OSBPL2: variants seen among roughly 807,000 people sequenced by gnomAD.
OSBPL2 encodes the protein oxysterol-binding protein-related protein 2.
A neutral mutation model predicts 58.4 loss-of-function variants in OSBPL2; 18 were observed. That is an observed-to-expected ratio of 0.31 (90% confidence interval 0.21 to 0.46). The LOEUF is 0.46. OSBPL2 is among the 20% of genes least tolerant of loss of function. The pLI is 1.00. For missense variants in OSBPL2, 461 were observed against 616.5 expected, an observed-to-expected ratio of 0.75 and a Z score of 2.67; for synonymous variants, 221 against 234.1, an observed-to-expected ratio of 0.94 and a Z score of 0.51.
At chr20:62,255,416 A>G (rs1271183582) in intron 1 of OSBPL2, among the ~76,000 whole-genome samples, 2 of 152,162 alleles carry the variant, frequency 1.3e-5, no homozygotes, top group African/African-American at 4.8e-5. Flanking sequence ...CCCTGCGCCC[A>G]TGACTTTTCC....
chr20:62,290,021 C>T (rs1983388584), intron 12 of OSBPL2, among the ~76,000 whole-genome samples: 1 of 152,224 alleles, frequency 6.6e-6, no homozygotes, highest in African/African-American at 2.4e-5. Context: ...ACGTGTTCCA[C>T]TGTGAGGATC....
At chr20:62,241,277 C>G (rs930161393) in intron 1 of OSBPL2, among the ~76,000 whole-genome samples, 1 of 152,126 alleles carries the variant, frequency 6.6e-6, no homozygotes, top group African/African-American at 2.4e-5. Flanking sequence ...ACTGCAAGCT[C>G]TGCCTCCCGG....
intron 4 of OSBPL2, among the ~76,000 whole-genome samples, chr20:62,265,327 TATAA>T (rs1981594594): frequency 6.6e-6 from 1 of 152,250 alleles, no homozygotes; most frequent in South Asian, 2.1e-4. Flanking sequence ...ATTTACGGAC[TATAA>T]ATAATTGCTC....
In OSBPL2 at chr20:62,294,814, A is replaced by G. The variant is rs1983758538; in HGVS notation, c.*927A>G. ...TTAAAATAGAAGTGACAAGAATCAC[A>G]TCCGGTTGTGTCCTGTGGGAGGGTC... On this transcript the variant is annotated 3_prime_UTR_variant, in exon 14 of 14. Transcript: ENST00000313733. The G allele has an allele frequency of 6.6e-6, 1 of 152,238 alleles. No homozygotes were observed. The highest frequency in any genetic ancestry group is 6.5e-5 in the Admixed American group (1 of 15,280). 9.4% of individuals were successfully genotyped at this position (152,238 alleles called of 1,614,324 possible). A position where few individuals can be genotyped will look rare whatever the true frequency, so the allele number is the denominator to read the frequency against.
intron 1 of OSBPL2, among the ~76,000 whole-genome samples, chr20:62,240,228 G>A (rs1321307962): frequency 6.6e-6 from 1 of 152,078 alleles, no homozygotes; most frequent in East Asian, 1.9e-4. Context: ...CCTTGTTGAG[G>A]ACAGGAACTT....
At chr20:62,272,846 C>T (rs763333497) in intron 5 of OSBPL2, among the ~76,000 whole-genome samples, 14 of 152,164 alleles carry the variant, frequency 9.2e-5, no homozygotes, top group Non-Finnish European at 1.6e-4. Flanking sequence ...CAGTGAGCCA[C>T]GATTACGCCA....
At chr20:62,252,842 C>T (rs906829238) in intron 1 of OSBPL2, among the ~76,000 whole-genome samples, 1 of 152,212 alleles carries the variant, frequency 6.6e-6, no homozygotes, top group Admixed American at 6.5e-5. Flanking sequence ...GTGAGAGAGA[C>T]GCCTTTAAAG....
chr20:62,239,426 G>A (rs980846758), intron 1 of OSBPL2, among the ~76,000 whole-genome samples: 4 of 152,196 alleles, frequency 2.6e-5, no homozygotes, highest in African/African-American at 4.8e-5. Context: ...TGGGAGGACC[G>A]GCGACGAGGC....
intron 4 of OSBPL2, 43 bp downstream of exon 4, chr20:62,263,734 G>C: frequency 6.5e-7 from 1 of 1,542,718 alleles, no homozygotes; most frequent in Non-Finnish European, 9.0e-7. Context: ...CTGCACCACT[G>C]ACTCCTGGGA....
chr20:62,286,462 A>AT (rs911594310), intron 10 of OSBPL2, 121 bp from the exon 11 acceptor site: 9 of 1,102,378 alleles, frequency 8.2e-6, no homozygotes, highest in African/African-American at 1.6e-5. Context: ...AAAAAAAAAA[A>AT]GGAGAAGGCT....
chr20:62,261,541 G>A (rs1407194910), intron 3 of OSBPL2, among the ~76,000 whole-genome samples: 1 of 152,158 alleles, frequency 6.6e-6, no homozygotes, highest in Non-Finnish European at 1.5e-5. Context: ...CATCTCACCT[G>A]TTGTTTGTTC....
rs1259575755 is a variant in OSBPL2 at position 62,281,038 on chromosome 20, G to A, written c.675-20G>A. The A allele has an allele frequency of 1.3e-6, 2 of 1,589,252 alleles. No homozygotes were observed. The highest frequency in any genetic ancestry group is 1.1e-5 in the South Asian group (1 of 90,638). Reference sequence around the variant, plus strand: ...TGGCTTTTCTGGACTCTCACTGCTTGTTTTCTGGTGTCTTCACAGACATAA... The same window carrying A: ...TGGCTTTTCTGGACTCTCACTGCTTATTTTCTGGTGTCTTCACAGACATAA... On this transcript the variant is annotated intron_variant, in intron 7 of 13. Transcript: ENST00000313733.
intron 6 of OSBPL2, chr20:62,278,501 CAT>C (rs1356735125): frequency 2.3e-4 from 30 of 131,578 alleles, no homozygotes; most frequent in Non-Finnish European, 2.4e-4. Flanking sequence ...AGTGCGATGT[CAT>C]GTTTATGTGT....
chr20:62,257,464 G>T (rs1394256931), intron 2 of OSBPL2, among the ~76,000 whole-genome samples: 1 of 152,174 alleles, frequency 6.6e-6, no homozygotes, highest in Non-Finnish European at 1.5e-5. Context: ...CAGCGTGTTT[G>T]CCTCGGATGC....
At chr20:62,262,240 T>C (rs2145936258) in intron 3 of OSBPL2, among the ~76,000 whole-genome samples, 1 of 152,278 alleles carries the variant, frequency 6.6e-6, no homozygotes, top group Admixed American at 6.5e-5. Context: ...ACTCACCTCT[T>C]AGGAAGAAAG....
intron 2 of OSBPL2, 78 bp downstream of exon 2, chr20:62,256,299 G>A (rs1423513991): frequency 7.4e-7 from 1 of 1,355,622 alleles, no homozygotes; most frequent in African/African-American, 1.4e-5. Flanking sequence ...CCTGGCGTTT[G>A]GGGTGTAAAG....
At chr20:62,283,980 C>T (rs1982952567) in intron 9 of OSBPL2, 66 bp from the exon 10 acceptor site, 19 of 1,478,904 alleles carry the variant, frequency 1.3e-5, no homozygotes, top group East Asian at 4.6e-5. Flanking sequence ...TTCCAGGGTG[C>T]CACATGTTTA....
chr20:62,285,784 C>T (rs1458882112), intron 10 of OSBPL2: 1 of 153,040 alleles, frequency 6.5e-6, no homozygotes, highest in Non-Finnish European at 1.5e-5. Context: ...GGAAACACGC[C>T]TGGCCACTGA....
intron 4 of OSBPL2, 26 bp from the exon 5 acceptor site, chr20:62,272,098 AC>A (rs1255063744): frequency 3.1e-6 from 5 of 1,612,802 alleles, no homozygotes. Context: ...GGCAGCAGTA[AC>A]CAGCGAGTCT....
Sources: allele counts gnomAD v4.1 joint callset (sites outside exome capture counted in the v4.1 genomes callset), GRCh38; gene constraint gnomAD v4.1.1; transcripts MANE v1.5; gene names NCBI Gene and HGNC (gene_info 2026-07-23, HGNC 2026-07-21).